The following GPC6 variants were observed in gnomAD, a reference collection of about 807,000 sequenced individuals.
The protein encoded by GPC6 is glypican-6.
In GPC6, 14 loss-of-function variants were observed where a neutral mutation model predicts 55.2. The ratio of observed to expected loss-of-function variants is 0.25; its 90% CI spans 0.17 to 0.40. The LOEUF is 0.40. Among genes scored for constraint, GPC6 ranks in the 10% least tolerant of loss-of-function variants. GPC6 has a pLI of 1.00. For synonymous variants in GPC6, 278 were observed against 259.6 expected, an observed-to-expected ratio of 1.07 and a Z score of -0.68; for missense variants, 641 against 708.5, an observed-to-expected ratio of 0.90 and a Z score of 1.08.
intron 1 of GPC6, among the ~76,000 whole-genome samples, chr13:93,454,835 G>C (rs561528526): frequency 1.3e-5 from 2 of 152,358 alleles, no homozygotes; most frequent in South Asian, 2.1e-4. Context: ...CCTGGAGCAG[G>C]GGGTGGAGCT....
intron 4 of GPC6, among the ~76,000 whole-genome samples, chr13:94,087,355 A>G (rs902908795): frequency 2.6e-5 from 4 of 152,234 alleles, no homozygotes; most frequent in African/African-American, 9.6e-5. Context: ...AGTCACCTCT[A>G]AGGTGTAAAA....
At chr13:93,647,939 G>T (rs1379338725) in intron 2 of GPC6, among the ~76,000 whole-genome samples, 8 of 152,090 alleles carry the variant, frequency 5.3e-5, no homozygotes, top group Non-Finnish European at 8.8e-5. Context: ...CCAGGGGTAT[G>T]AAAGCAAATA....
intron 2 of GPC6, among the ~76,000 whole-genome samples, chr13:93,705,610 G>A (rs987789321): frequency 6.6e-6 from 1 of 151,772 alleles, no homozygotes; most frequent in African/African-American, 2.4e-5. Flanking sequence ...CAAGATAGAT[G>A]AGCCAGGATG....
intron 2 of GPC6, among the ~76,000 whole-genome samples, chr13:93,715,026 C>T (rs1883202914): frequency 6.6e-6 from 1 of 151,530 alleles, no homozygotes; most frequent in South Asian, 2.1e-4. Context: ...GTTTTGCTGC[C>T]ATCTTGGTTC....
chr13:93,663,111 A>G (rs1304360036), intron 2 of GPC6, among the ~76,000 whole-genome samples: 1 of 152,066 alleles, frequency 6.6e-6, no homozygotes, highest in African/African-American at 2.4e-5. Context: ...AAAAAAAAAA[A>G]AAAATCTCAA....
At chr13:93,502,878 A>G in intron 1 of GPC6, among the ~76,000 whole-genome samples, 1 of 152,104 alleles carries the variant, frequency 6.6e-6, no homozygotes, top group South Asian at 2.1e-4. Flanking sequence ...TTATTATATA[A>G]TATTTCTACC....
At chr13:94,024,012 T>C (rs1882799888) in intron 3 of GPC6, among the ~76,000 whole-genome samples, 1 of 152,002 alleles carries the variant, frequency 6.6e-6, no homozygotes, top group Non-Finnish European at 1.5e-5. Context: ...GGAGTTCTTT[T>C]ATGGTGATAG....
intron 1 of GPC6, among the ~76,000 whole-genome samples, chr13:93,356,035 G>A (rs1233886807): frequency 6.6e-6 from 1 of 152,116 alleles, no homozygotes; most frequent in South Asian, 2.1e-4. Context: ...CTGGTTTAAA[G>A]GGGAGGAGGA....
At chr13:93,838,186 T>A (rs540968816) in intron 3 of GPC6, among the ~76,000 whole-genome samples, 3 of 152,176 alleles carry the variant, frequency 2.0e-5, no homozygotes, top group Non-Finnish European at 4.4e-5. Flanking sequence ...AATGGCATTG[T>A]CCTTGAGGGA....
intron 4 of GPC6, among the ~76,000 whole-genome samples, chr13:94,162,675 T>C (rs750496906): frequency 6.6e-6 from 1 of 152,154 alleles, no homozygotes; most frequent in Non-Finnish European, 1.5e-5. Context: ...ACTTGGATGT[T>C]AGGAAACTTA....
chr13:93,392,758 C>T (rs929294400), intron 1 of GPC6, among the ~76,000 whole-genome samples: 4 of 152,028 alleles, frequency 2.6e-5, no homozygotes, highest in Admixed American at 6.6e-5. Flanking sequence ...TTTCACTAAC[C>T]GTAGTGAAAT....
At chr13:93,831,173 G>A (rs1887478974) in intron 3 of GPC6, among the ~76,000 whole-genome samples, 1 of 152,110 alleles carries the variant, frequency 6.6e-6, no homozygotes, top group Non-Finnish European at 1.5e-5. Context: ...ACCATGCATT[G>A]CCTTGGGCTT....
chr13:93,244,119 T>C (rs577786943), intron 1 of GPC6, among the ~76,000 whole-genome samples: 1 of 152,214 alleles, frequency 6.6e-6, no homozygotes, highest in African/African-American at 2.4e-5. Context: ...CCCTGGCCAC[T>C]GGGGTAATGT....
At chr13:93,901,566 G>T (rs944860715) in intron 3 of GPC6, among the ~76,000 whole-genome samples, 1 of 152,048 alleles carries the variant, frequency 6.6e-6, no homozygotes, top group Non-Finnish European at 1.5e-5. Context: ...ACTGGGTAGA[G>T]TACAGATCCC....
At chr13:93,511,692 T>TC (rs1375553628) in intron 1 of GPC6, among the ~76,000 whole-genome samples, 1 of 152,110 alleles carries the variant, frequency 6.6e-6, no homozygotes, top group Non-Finnish European at 1.5e-5. Flanking sequence ...GATCGTTTTT[T>TC]CTAATTCTAT....
At chr13:93,354,913 C>A (rs1880790950) in intron 1 of GPC6, among the ~76,000 whole-genome samples, 1 of 152,086 alleles carries the variant, frequency 6.6e-6, no homozygotes, top group Non-Finnish European at 1.5e-5. Context: ...CTTAACCTTC[C>A]TGTGTTTTTA....
At chr13:93,676,122 AAAAAATATATATATATATATATAT>A (rs1265412868) in intron 2 of GPC6, among the ~76,000 whole-genome samples, 4 of 12,142 alleles carry the variant, frequency 3.3e-4, no homozygotes, top group Non-Finnish European at 2.6e-4. Flanking sequence ...AAAAAAAAAA[AAAAAATATATATATATATATATAT>A]ATATATATAT....
intron 2 of GPC6, among the ~76,000 whole-genome samples, chr13:93,789,608 T>TAATACTACATATATATATAATACTAC (rs3077838): frequency 0.028 from 910 of 32,566 alleles, 7 homozygotes; most frequent in East Asian, 0.21. Flanking sequence ...CATATATATA[T>TAATACTACATATATATATAATACTAC]ATATATATAT....
At chr13:94,127,811 G>T (rs1886873030) in intron 4 of GPC6, among the ~76,000 whole-genome samples, 1 of 152,146 alleles carries the variant, frequency 6.6e-6, no homozygotes, top group Admixed American at 6.5e-5. Context: ...CAGAAAATTG[G>T]TGTCATTTTT....
Sources: gnomAD v4.1 joint callset for allele counts (sites outside exome capture counted in the v4.1 genomes callset) on GRCh38, gnomAD v4.1.1 for gene constraint, MANE v1.5 for transcripts, NCBI Gene and HGNC (gene_info 2026-07-23, HGNC 2026-07-21) for gene names.